The following MRAS variants were observed in gnomAD, a reference collection of about 807,000 sequenced individuals.
MRAS encodes the protein muscle RAS oncogene homolog, also known as ras-related protein M-Ras.
Under a neutral mutation model 20.9 loss-of-function variants are expected in MRAS, and 4 were observed. The observed-to-expected ratio is 0.19, with a 90% CI of 0.09 to 0.44. MRAS has a LOEUF of 0.44. Ranked by LOEUF, MRAS falls within the 20% of genes least tolerant of loss-of-function variation. MRAS has a pLI of 0.99. For synonymous variants in MRAS, 98 were observed against 102.9 expected (o/e 0.95, Z 0.29); for missense variants, 154 against 277.5 (o/e 0.56, Z 3.16).
In MRAS at chr3:138,405,093, T is replaced by G. The variant is rs2055431621; in HGVS notation, c.*2824T>G. On this transcript the variant is annotated 3_prime_UTR_variant, in exon 6 of 6. Transcript: ENST00000423968. ...ACGGCTGGGGACAATGGCCACTTAC[T>G]ACCTGTGCACTTTGCCACTCGGGAC... is the stretch of plus-strand genomic sequence containing the variant. The G allele has an allele frequency of 6.6e-6, 1 of 152,480 alleles. No homozygotes were observed. The highest frequency in any genetic ancestry group is 6.5e-5 in the Admixed American group (1 of 15,286). 9.4% of individuals were successfully genotyped at this position (152,480 alleles called of 1,614,324 possible).
chr3:138,386,504 A>G (rs747651695), intron 2 of MRAS, among the ~76,000 whole-genome samples: 2 of 151,968 alleles, frequency 1.3e-5, no homozygotes, highest in Non-Finnish European at 2.9e-5. Context: ...TGTTTTTGAG[A>G]TGGAGTTTCA....
chr3:138,385,416 G>A lies in MRAS; in HGVS notation c.194-11908G>A, dbSNP rs774010. ...CCCAGCTCAGCCTCCCAAAGTATTG[G>A]GATTACAGGAATGAACCACTGTACC... is the stretch of plus-strand genomic sequence containing the variant. On this transcript the variant is annotated intron_variant, in intron 2 of 5. Coordinates refer to ENST00000423968, the MANE Select transcript of MRAS (RefSeq NM_001085049.3). 1.1e-3 allele frequency among the ~76,000 whole-genome samples: 164 copies of A among 150,366 alleles called. 2 individuals carry two copies. Among genetic ancestry groups the A allele is most frequent in the African/African-American group, 3.6e-3 (148 of 41,042 alleles).
chr3:138,353,268 A>G (rs1206156357), intron 1 of MRAS, among the ~76,000 whole-genome samples: 1 of 152,192 alleles, frequency 6.6e-6, no homozygotes, highest in Admixed American at 6.5e-5. Flanking sequence ...AAAAAAAGAA[A>G]ATTTTTAAAA....
Position 138,401,002 on chromosome 3 carries a change from G to T in MRAS, c.527+389G>T, listed in dbSNP as rs189768173. On this transcript the variant is annotated intron_variant, in intron 5 of 5. Coordinates refer to ENST00000423968, the MANE Select transcript of MRAS (RefSeq NM_001085049.3). ...CTGCCCTGATATCAGAGCACCCTTTGATATTTCCCCTGAACAACCAATATT... is the reference window on the plus strand; with the variant it reads ...CTGCCCTGATATCAGAGCACCCTTTTATATTTCCCCTGAACAACCAATATT... Among the ~76,000 whole-genome samples the T allele has an allele frequency of 3.3e-4, 50 of 152,224 alleles. 1 individual carries two copies. Among genetic ancestry groups the T allele is most frequent in the African/African-American group, 1.2e-3 (49 of 41,542 alleles).
rs146920034 is a variant in MRAS, at chr3:138,368,258, G to A, written c.-18-4608G>A. On this transcript the variant is annotated intron_variant, in intron 1 of 5. Transcript: ENST00000423968. ...GCTTCTCATGCTGAGAGGAGGCTGG[G>A]AATGAGAGAGAGTGTGTGTGTGTGT... is the stretch of plus-strand genomic sequence containing the variant. Among the ~76,000 whole-genome samples the A allele has an allele frequency of 2.7e-3, 411 of 152,338 alleles. 2 individuals carry two copies. The highest frequency in any genetic ancestry group is 8.2e-3 in the African/African-American group (340 of 41,576).
intron 2 of MRAS, 131 bp from the exon 3 acceptor site, chr3:138,397,193 G>A: frequency 9.3e-7 from 1 of 1,074,404 alleles, no homozygotes; most frequent in South Asian, 1.6e-5. Flanking sequence ...GAGAGCTTAT[G>A]CAGCCTCTCA....
At chr3:138,382,223 A>G (rs2054919556) in intron 2 of MRAS, among the ~76,000 whole-genome samples, 1 of 152,202 alleles carries the variant, frequency 6.6e-6, no homozygotes, top group African/African-American at 2.4e-5. Flanking sequence ...GAAATGCCTC[A>G]CTGATCTCCA....
chr3:138,398,685 AGT>A, intron 4 of MRAS, 117 bp downstream of exon 4: 1 of 858,884 alleles, frequency 1.2e-6, no homozygotes, highest in South Asian at 1.6e-5. Flanking sequence ...GGCTCCCCTT[AGT>A]TTAAGTCTTG....
chr3:138,358,059 G>A (rs762863741), intron 1 of MRAS, among the ~76,000 whole-genome samples: 5 of 152,202 alleles, frequency 3.3e-5, no homozygotes, highest in Non-Finnish European at 7.3e-5. Context: ...AGGGGTCTGG[G>A]CATGGTGGCT....
chr3:138,376,364 T>C (rs1390686972), intron 2 of MRAS, among the ~76,000 whole-genome samples: 1 of 152,234 alleles, frequency 6.6e-6, no homozygotes, highest in African/African-American at 2.4e-5. Flanking sequence ...CTGCCTTTTA[T>C]GGTTGGACAT....
intron 4 of MRAS, chr3:138,400,192 ACCT>A (rs1458869752): frequency 4.8e-6 from 1 of 208,154 alleles, no homozygotes; most frequent in Admixed American, 5.9e-5. Flanking sequence ...GGAGCAACAG[ACCT>A]CAGAAAGAAA....
chr3:138,401,352 C>T (rs1054017762), intron 5 of MRAS, among the ~76,000 whole-genome samples: 1 of 152,098 alleles, frequency 6.6e-6, no homozygotes, highest in Non-Finnish European at 1.5e-5. Flanking sequence ...TGAGATCAGC[C>T]CCGGGGCTCT....
intron 1 of MRAS, among the ~76,000 whole-genome samples, chr3:138,354,162 G>T (rs1000769753): frequency 6.6e-6 from 1 of 152,196 alleles, no homozygotes; most frequent in Non-Finnish European, 1.5e-5. Flanking sequence ...CGAGTCCCTC[G>T]CTGGCAGGAG....
rs1382935481 is a variant in MRAS at position 138,357,630 on chromosome 3, A to G, written c.-19+8863A>G. Among the ~76,000 whole-genome samples the G allele has an allele frequency of 2.0e-5, 3 of 152,194 alleles. No individual in the cohort carries two copies. In the East Asian group the frequency reaches 5.8e-4, roughly 29 times the overall value. On this transcript the variant is annotated intron_variant, in intron 1 of 5. Transcript: ENST00000423968. ...CCAAGTATTGATGACAGCCCTCCCC[A>G]TCTGCAGTATTTCTGAAGATTTCAG...
intron 2 of MRAS, among the ~76,000 whole-genome samples, chr3:138,382,697 T>G (rs1433648240): frequency 6.6e-6 from 1 of 152,176 alleles, no homozygotes; most frequent in Non-Finnish European, 1.5e-5. Flanking sequence ...AATATGCAAC[T>G]CCCTACACCC....
intron 2 of MRAS, among the ~76,000 whole-genome samples, chr3:138,375,785 G>A (rs1327635602): frequency 6.6e-6 from 1 of 152,170 alleles, no homozygotes; most frequent in Admixed American, 6.5e-5. Context: ...ACTTTGGGAG[G>A]CTGAGGTGGG....
At chr3:138,378,636 C>T (rs139132575) in intron 2 of MRAS, among the ~76,000 whole-genome samples, 44 of 152,266 alleles carry the variant, frequency 2.9e-4, no homozygotes, top group African/African-American at 1.0e-3. Flanking sequence ...GTGTGACTGC[C>T]CTCACCCCAA....
intron 1 of MRAS, among the ~76,000 whole-genome samples, chr3:138,352,851 T>C (rs1168628142): frequency 6.6e-6 from 1 of 152,114 alleles, no homozygotes; most frequent in Non-Finnish European, 1.5e-5. Context: ...CTGTAGGGCC[T>C]TGTCTGGATC....
At chr3:138,368,157 A>G (rs757809690) in intron 1 of MRAS, among the ~76,000 whole-genome samples, 3 of 152,206 alleles carry the variant, frequency 2.0e-5, no homozygotes, top group Non-Finnish European at 4.4e-5. Flanking sequence ...CATGGAAACA[A>G]TGCTCTAAAT....
Sources: gnomAD v4.1 joint callset for allele counts (sites outside exome capture counted in the v4.1 genomes callset) on GRCh38, gnomAD v4.1.1 for gene constraint, MANE v1.5 for transcripts, NCBI Gene and HGNC (gene_info 2026-07-23, HGNC 2026-07-21) for gene names.